Variants in OR51B5 observed in about 807,000 individuals in gnomAD.
OR51B5 encodes olfactory receptor 51B5.
For missense variants in OR51B5, 456 were observed against 374.6 expected (o/e 1.22, Z -1.79); for synonymous variants, 186 against 144.8 (o/e 1.28, Z -2.04).
chr11:5,368,111 T>C (rs1313986019), intron 1 of OR51B5, among the ~76,000 whole-genome samples: 2 of 152,260 alleles, frequency 1.3e-5, no homozygotes, highest in Non-Finnish European at 1.5e-5. Context: ...TGTTTTTTCC[T>C]CTGCCATTCA....
rs559701842 is a variant in OR51B5, at chr11:5,401,626, T to C, written n.85-54716A>G. ...TACCATGCTATAGACCTTGTCTTTGTATATTTACCAATAAAATATTTTCAC... is the reference window on the plus strand; with the variant it reads ...TACCATGCTATAGACCTTGTCTTTGCATATTTACCAATAAAATATTTTCAC... On this transcript the variant is annotated intron_variant and non_coding_transcript_variant, in intron 1 of 4. Coordinates refer to the OR51B5 transcript ENST00000415970. Among the ~76,000 whole-genome samples, 45 of 152,256 alleles carry C rather than the reference T, an allele frequency of 3.0e-4. 1 individual carries two copies. The highest frequency in any genetic ancestry group is 7.9e-4 in the Admixed American group (12 of 15,284).
At chr11:5,449,687 A>G (rs1423971309) in intron 1 of OR51B5, among the ~76,000 whole-genome samples, 1 of 152,186 alleles carries the variant, frequency 6.6e-6, no homozygotes, top group Admixed American at 6.5e-5. Context: ...AAATTCAGAG[A>G]GGGAAGCAGG....
At chr11:5,478,923 T>G (rs559792393) in intron 1 of OR51B5, among the ~76,000 whole-genome samples, 4 of 151,088 alleles carry the variant, frequency 2.6e-5, no homozygotes, top group Admixed American at 6.6e-5. Flanking sequence ...TGGAACCAAG[T>G]TGGAAAACAC....
chr11:5,422,362 G>A (rs1261399610), intron 1 of OR51B5: 1 of 1,614,156 alleles, frequency 6.2e-7, no homozygotes, highest in South Asian at 1.1e-5. Context: ...TTCGCACAGA[G>A]CCATCTGTCC....
chr11:5,489,468 C>G lies in OR51B5; in HGVS notation n.84+16101G>C, dbSNP rs904679415. On this transcript the variant is annotated intron_variant and non_coding_transcript_variant, in intron 1 of 4. Transcript: ENST00000415970. ...CCCACATTGGCATCATCCTGGTTTT[C>G]TACATCCCTGCCTTCTTCTCCTTCC... The G allele has an allele frequency of 1.9e-5, 30 of 1,613,930 alleles. No individual in the cohort carries two copies. Among genetic ancestry groups the G allele is most frequent in the Non-Finnish European group, 2.2e-5 (26 of 1,179,962 alleles).
chr11:5,367,386 G>T (rs1207067772), intron 1 of OR51B5, among the ~76,000 whole-genome samples: 4 of 152,186 alleles, frequency 2.6e-5, no homozygotes, highest in Non-Finnish European at 5.9e-5. Flanking sequence ...CCTGAGGACT[G>T]CTGGTTGCCC....
chr11:5,485,626 A>C (rs77809116), intron 1 of OR51B5, among the ~76,000 whole-genome samples: 5,097 of 152,266 alleles, frequency 0.033, 272 homozygotes, highest in African/African-American at 0.12. Context: ...GTCCTCCAGC[A>C]CAAAAGCCTC....
At chr11:5,378,978 A>C (rs61892011) in intron 1 of OR51B5, among the ~76,000 whole-genome samples, 45 of 148,972 alleles carry the variant, frequency 3.0e-4, no homozygotes, top group East Asian at 1.9e-3. Context: ...ACCCAAAGGA[A>C]TATAAATCAT....
chr11:5,480,742 A>C (rs575695132), intron 1 of OR51B5, among the ~76,000 whole-genome samples: 3 of 150,596 alleles, frequency 2.0e-5, no homozygotes, highest in South Asian at 4.3e-4. Context: ...CTATGGAAAT[A>C]AACTAGAAAA....
At chr11:5,450,545 C>T (rs540979353) in intron 1 of OR51B5, among the ~76,000 whole-genome samples, 1 of 152,246 alleles carries the variant, frequency 6.6e-6, no homozygotes, top group East Asian at 1.9e-4. Flanking sequence ...CACCTGGTTC[C>T]TATATGGTTT....
chr11:5,352,413 T>A, intron 1 of OR51B5: 2 of 1,608,808 alleles, frequency 1.2e-6, no homozygotes, highest in Non-Finnish European at 1.7e-6. Flanking sequence ...GTGGCATACT[T>A]CGTTTATTCT....
intron 1 of OR51B5, among the ~76,000 whole-genome samples, chr11:5,356,044 C>G (rs1256174759): frequency 6.6e-6 from 1 of 151,972 alleles, no homozygotes; most frequent in African/African-American, 2.4e-5. Flanking sequence ...AGCAGAAAAA[C>G]TGGAAACTCT....
chr11:5,370,073 A>T (rs1011428592), intron 1 of OR51B5, among the ~76,000 whole-genome samples: 5 of 152,136 alleles, frequency 3.3e-5, no homozygotes, highest in African/African-American at 4.8e-5. Flanking sequence ...CTGCCATCTT[A>T]TGGTTTGTAC....
At chr11:5,422,763 G>T (rs115558711) in intron 1 of OR51B5, 2 of 1,613,890 alleles carry the variant, frequency 1.2e-6, no homozygotes, top group African/African-American at 2.7e-5. Context: ...GATATGATCC[G>T]CCTGGTCTGT....
intron 1 of OR51B5, among the ~76,000 whole-genome samples, chr11:5,414,425 C>T (rs1443362215): frequency 2.7e-5 from 4 of 150,196 alleles, no homozygotes; most frequent in Non-Finnish European, 4.4e-5. Context: ...CAAATTCACA[C>T]ATAACAATAT....
chr11:5,392,479 C>T (rs967617067), intron 1 of OR51B5: 1 of 152,202 alleles, frequency 6.6e-6, no homozygotes, highest in Admixed American at 6.5e-5. Context: ...AAATAGACCA[C>T]TGACATCTAA....
At chr11:5,390,254 C>G (rs1251211712) in intron 1 of OR51B5, 1 of 1,614,024 alleles carries the variant, frequency 6.2e-7, no homozygotes, top group East Asian at 2.2e-5. Context: ...TGCTATTCAT[C>G]TTCTTATGGC....
At chr11:5,458,295 T>G (rs753231303) in intron 1 of OR51B5, among the ~76,000 whole-genome samples, 1 of 152,142 alleles carries the variant, frequency 6.6e-6, no homozygotes, top group Non-Finnish European at 1.5e-5. Flanking sequence ...TGGCTTTGTT[T>G]CTGGTTTCTC....
chr11:5,498,319 T>C (rs1334958276), intron 1 of OR51B5, among the ~76,000 whole-genome samples: 2 of 152,300 alleles, frequency 1.3e-5, no homozygotes, highest in African/African-American at 4.8e-5. Context: ...TGACAGGTGA[T>C]AGAGCTTAGT....
Sources: gnomAD v4.1 joint callset for allele counts (sites outside exome capture counted in the v4.1 genomes callset) on GRCh38, gnomAD v4.1.1 for gene constraint, MANE v1.5 for transcripts, NCBI Gene and HGNC (gene_info 2026-07-23, HGNC 2026-07-21) for gene names.